The following TTC9 variants were observed in gnomAD, a reference collection of about 807,000 sequenced individuals.
TTC9 encodes tetratricopeptide repeat domain 9.
TTC9 carries 13 observed loss-of-function variants against 22.9 expected under a neutral mutation model. The observed-to-expected ratio is 0.57, with a 90% CI of 0.37 to 0.90. TTC9 has a LOEUF of 0.90. TTC9 is among the 40% of genes least tolerant of loss of function. The pLI is 0.01. For synonymous variants in TTC9, 148 were observed against 133.2 expected (o/e 1.11, Z -0.77); for missense variants, 280 against 291.8 (o/e 0.96, Z 0.29).
rs1886328420 is a variant in TTC9 at position 70,673,629 on chromosome 14, A to G, written c.*2474A>G. The stretch of plus-strand genomic sequence containing the variant: ...ACTTAGAACGTTTGTGATTTGGCAG[A>G]TGGTTTGTTAGGATCTGAAGGATGA... On this transcript the variant is annotated 3_prime_UTR_variant, in exon 3 of 3. Coordinates refer to ENST00000256367, the MANE Select transcript of TTC9 (RefSeq NM_015351.2). 1 of 142,566 alleles carries G rather than the reference A, an allele frequency of 7.0e-6. No individual in the cohort carries two copies. Among genetic ancestry groups the G allele is most frequent in the Non-Finnish European group, 1.5e-5 (1 of 66,214 alleles). The allele number at this position is 142,566 out of a possible 1,614,324, so 8.8% of individuals were successfully genotyped here. A position where few individuals can be genotyped will look rare whatever the true frequency, so the allele number is the denominator to read the frequency against.
Position 70,647,908 on chromosome 14 carries a change from G to A in TTC9, c.406+5373G>A, listed in dbSNP as rs149126602. The stretch of plus-strand genomic sequence containing the variant: ...AGCCCTCAATGGGACACCAGAAGAT[G>A]GCTGGATGGATACATCTGAGGTGGA... On this transcript the variant is annotated intron_variant, in intron 1 of 2. Transcript: ENST00000256367. Among the ~76,000 whole-genome samples, 45 of 152,322 alleles carry A rather than the reference G, an allele frequency of 3.0e-4. 1 individual carries two copies. The East Asian group carries it at 8.1e-3, about 27-fold the overall frequency.
In TTC9 at chr14:70,674,470, C is replaced by T. The variant is rs1886340302; in HGVS notation, c.*3315C>T. ...ACAAAAACTGGATACACTGAATATA[C>T]TCTTTAATAACTTTTCAAGTGTGTA... is the stretch of plus-strand genomic sequence containing the variant. On this transcript the variant is annotated 3_prime_UTR_variant, in exon 3 of 3. Transcript: ENST00000256367. The T allele has an allele frequency of 6.6e-6, 1 of 152,120 alleles. No individual in the cohort carries two copies. Among genetic ancestry groups the T allele is most frequent in the Non-Finnish European group, 1.5e-5 (1 of 68,024 alleles). 9.4% of individuals were successfully genotyped at this position (152,120 alleles called of 1,614,324 possible). A position where few individuals can be genotyped will look rare whatever the true frequency, so the allele number is the denominator to read the frequency against.
At chr14:70,645,711 T>C (rs1885892673) in intron 1 of TTC9, among the ~76,000 whole-genome samples, 1 of 152,206 alleles carries the variant, frequency 6.6e-6, no homozygotes, top group Admixed American at 6.5e-5. Context: ...GAAAGGCCAC[T>C]GACCCTTCGA....
At chr14:70,645,529 A>T (rs1885890369) in intron 1 of TTC9, among the ~76,000 whole-genome samples, 1 of 152,256 alleles carries the variant, frequency 6.6e-6, no homozygotes, top group Admixed American at 6.5e-5. Flanking sequence ...TTAAATAGCA[A>T]CAGAAAAGTT....
intron 2 of TTC9, 25 bp from the exon 3 acceptor site, chr14:70,671,051 C>G: frequency 6.2e-7 from 1 of 1,609,352 alleles, no homozygotes; most frequent in Non-Finnish European, 8.5e-7. Flanking sequence ...CTGGTGTTCC[C>G]TAAGGTTTAT....
At position 70,671,143 on chromosome 14, in the gene TTC9, A is replaced by G; in HGVS notation, c.657A>G (p.Lys219=). 1 of 1,613,464 alleles carries G rather than the reference A, an allele frequency of 6.2e-7. No individual in the cohort carries two copies. Among genetic ancestry groups the G allele is most frequent in the Non-Finnish European group, 8.5e-7 (1 of 1,179,616 alleles). ...MKLSRCSQRE[K]EAM The stretch of plus-strand genomic sequence containing the variant: ...TCAGCCGATGCTCCCAGAGAGAAAA[A>G]GAAGCCATGTAACCAGGAAGCAGCT... Residue 219 remains lysine, a synonymous_variant, in exon 3 of 3, where the codon AAA becomes AAG. Transcript: ENST00000256367.
chr14:70,647,837 A>C (rs1467973311), intron 1 of TTC9, among the ~76,000 whole-genome samples: 1 of 152,220 alleles, frequency 6.6e-6, no homozygotes, highest in African/African-American at 2.4e-5. Context: ...GTTCCTTCTG[A>C]GTGTGGGGCT....
At chr14:70,659,031 T>C (rs560791558) in intron 1 of TTC9, among the ~76,000 whole-genome samples, 1 of 152,120 alleles carries the variant, frequency 6.6e-6, no homozygotes, top group East Asian at 1.9e-4. Flanking sequence ...AGAGAACAGG[T>C]TAGCAGTTGT....
chr14:70,669,624 T>C (rs1294772314), intron 2 of TTC9, among the ~76,000 whole-genome samples: 1 of 151,924 alleles, frequency 6.6e-6, no homozygotes, highest in East Asian at 1.9e-4. Context: ...CAAAAGTCTT[T>C]AAAAAACTTT....
rs749261941 is a variant in TTC9 at position 70,667,555 on chromosome 14, C to T, written c.407-9C>T. 1 of 1,613,852 alleles carries T rather than the reference C, an allele frequency of 6.2e-7. No homozygotes were observed. Among genetic ancestry groups the T allele is most frequent in the Non-Finnish European group, 8.5e-7 (1 of 1,179,884 alleles). ...GTGCTGATGGCATTTTCCCTCCCTT[C>T]CTCCATAGCCTGCCTGCTCCAGGCT... On this transcript the variant is annotated splice_polypyrimidine_tract_variant and intron_variant, in intron 1 of 2. Coordinates refer to ENST00000256367, the MANE Select transcript of TTC9 (RefSeq NM_015351.2).
intron 1 of TTC9, among the ~76,000 whole-genome samples, chr14:70,644,099 C>T (rs1020636626): frequency 2.6e-5 from 4 of 152,186 alleles, no homozygotes; most frequent in African/African-American, 9.7e-5. Context: ...ATTGCTAATG[C>T]GGTGACTTTG....
rs548891568 is a variant in TTC9, at chr14:70,658,289, G to C, written c.407-9275G>C. On this transcript the variant is annotated intron_variant, in intron 1 of 2. Coordinates refer to ENST00000256367, the MANE Select transcript of TTC9 (RefSeq NM_015351.2). ...GTTGTAAAACACCGTATATATGTTA[G>C]GTCTTGCTGCCAGTTGGGCATAACC... Among the ~76,000 whole-genome samples, 52 of 152,294 alleles carry C rather than the reference G, an allele frequency of 3.4e-4. No individual in the cohort carries two copies. In the Middle Eastern group the frequency reaches 0.01, roughly 30 times the overall value.
intron 1 of TTC9, among the ~76,000 whole-genome samples, chr14:70,646,080 G>T (rs1197911997): frequency 1.3e-5 from 2 of 152,162 alleles, no homozygotes; most frequent in African/African-American, 4.8e-5. Context: ...ACGCATGAAG[G>T]GTGTGCAGGC....
intron 1 of TTC9, among the ~76,000 whole-genome samples, chr14:70,645,294 TA>T (rs1022197195): frequency 9.2e-5 from 14 of 152,172 alleles, no homozygotes; most frequent in African/African-American, 3.4e-4. Flanking sequence ...TTTTCTTTTG[TA>T]AAACACTAAA....
chr14:70,656,317 T>C (rs1886066889), intron 1 of TTC9, among the ~76,000 whole-genome samples: 1 of 152,092 alleles, frequency 6.6e-6, no homozygotes, highest in Non-Finnish European at 1.5e-5. Context: ...CCACCAGTGT[T>C]TTCATTGAAA....
intron 1 of TTC9, among the ~76,000 whole-genome samples, chr14:70,650,602 T>C (rs1165575792): frequency 6.6e-6 from 1 of 151,956 alleles, no homozygotes; most frequent in African/African-American, 2.4e-5. Flanking sequence ...TCAAAGAATT[T>C]TACCTCTTGG....
chr14:70,654,669 C>T (rs1444047889), intron 1 of TTC9, among the ~76,000 whole-genome samples: 1 of 132,584 alleles, frequency 7.5e-6, no homozygotes, highest in Non-Finnish European at 1.6e-5. Flanking sequence ...GTTATTGATA[C>T]TAAAAGAAAA....
chr14:70,666,830 C>G (rs757696266), intron 1 of TTC9, among the ~76,000 whole-genome samples: 1 of 152,148 alleles, frequency 6.6e-6, no homozygotes, highest in Non-Finnish European at 1.5e-5. Context: ...AAGGTAAGCA[C>G]TCAACAAATA....
intron 1 of TTC9, among the ~76,000 whole-genome samples, chr14:70,650,936 A>T (rs1207698735): frequency 1.3e-5 from 2 of 152,300 alleles, no homozygotes; most frequent in East Asian, 3.9e-4. Context: ...GTTACCTTTG[A>T]AAAAAGAGGC....
Sources: allele counts gnomAD v4.1 joint callset (sites outside exome capture counted in the v4.1 genomes callset), GRCh38; gene constraint gnomAD v4.1.1; transcripts MANE v1.5; gene names NCBI Gene and HGNC (gene_info 2026-07-23, HGNC 2026-07-21).